The following TEX14 variants were observed in gnomAD, a reference collection of about 807,000 sequenced individuals.
TEX14 encodes inactive serine/threonine-protein kinase TEX14.
TEX14 carries 168 observed loss-of-function variants against 178.6 expected under a neutral mutation model. The observed-to-expected ratio is 0.94, with a 90% CI of 0.83 to 1.07. The LOEUF (loss-of-function observed/expected upper bound fraction) is 1.07, where lower values mean the gene tolerates loss of function less well. Ranked by LOEUF, TEX14 falls within the 50% of genes least tolerant of loss-of-function variation. The probability of loss-of-function intolerance (pLI) is 0.00; values close to 1 mark genes in which losing one functional copy is unlikely to be tolerated. For synonymous variants in TEX14, 626 were observed against 634.1 expected (o/e 0.99, Z 0.19); for missense variants, 1,730 against 1,753.6 (o/e 0.99, Z 0.24).
At chr17:58,573,700 G>A (rs2044598310) in intron 22 of TEX14, among the ~76,000 whole-genome samples, 1 of 152,060 alleles carries the variant, frequency 6.6e-6, no homozygotes, top group South Asian at 2.1e-4. Context: ...AGTATTTTTA[G>A]TAGAGATGGG....
At chr17:58,615,395 C>T (rs1366040873) in intron 7 of TEX14, 50 bp from the exon 8 acceptor site, 3 of 1,105,312 alleles carry the variant, frequency 2.7e-6, no homozygotes, top group East Asian at 2.4e-5. Flanking sequence ...CAGCCACTTA[C>T]TCCTTCAATG....
At chr17:58,659,353 CA>C in intron 1 of TEX14, 1 of 983,192 alleles carries the variant, frequency 1.0e-6, no homozygotes, top group Non-Finnish European at 1.2e-6. Context: ...CAACACACAA[CA>C]TACTCATGGC....
chr17:58,679,652 C>T (rs1187536985), intron 1 of TEX14: 1 of 152,192 alleles, frequency 6.6e-6, no homozygotes, highest in African/African-American at 2.4e-5. Flanking sequence ...GAAAAATCCA[C>T]CTTTAATGAT....
intron 2 of TEX14, among the ~76,000 whole-genome samples, chr17:58,643,646 G>A (rs1363157994): frequency 2.0e-5 from 3 of 151,740 alleles, no homozygotes; most frequent in East Asian, 1.9e-4. Context: ...GAGGCAGGCA[G>A]ATCCCCTGAG....
chr17:58,603,510 G>A (rs566348021), intron 11 of TEX14, among the ~76,000 whole-genome samples: 35 of 143,888 alleles, frequency 2.4e-4, no homozygotes, highest in Admixed American at 1.0e-3. Flanking sequence ...AGCTGAGATC[G>A]CGCCACTGCA....
chr17:58,643,191 T>A (rs1380531031), intron 2 of TEX14, among the ~76,000 whole-genome samples: 1 of 152,176 alleles, frequency 6.6e-6, no homozygotes, highest in Non-Finnish European at 1.5e-5. Flanking sequence ...CTTCTTATTC[T>A]ACTCCTCCCC....
At chr17:58,651,809 G>A in intron 2 of TEX14, 57 bp downstream of exon 2, 3 of 1,490,554 alleles carry the variant, frequency 2.0e-6, no homozygotes, top group Non-Finnish European at 2.7e-6. Flanking sequence ...CTTTTCCTCT[G>A]AACGCTATTC....
Position 58,573,994 on chromosome 17 carries a change from T to C in TEX14, c.3383+193A>G, listed in dbSNP as rs150681869. ...TGATTATTATTATCATCACTACATT[T>C]CCTTGAGTGTAAGCTGCTATTAGTT... On this transcript the variant is annotated intron_variant, in intron 22 of 31. Transcript: ENST00000349033. Among the ~76,000 whole-genome samples the C allele has an allele frequency of 3.6e-3, 542 of 152,314 alleles. 3 individuals are homozygous for C. The highest frequency in any genetic ancestry group is 5.0e-3 in the Non-Finnish European group (343 of 68,040).
rs748939625 is a variant in TEX14 at position 58,598,858 on chromosome 17, C to A, written c.2469+18G>T. 3.8e-6 allele frequency: 6 copies of A among 1,564,470 alleles called. No homozygotes were observed. In the East Asian group the frequency reaches 9.0e-5, roughly 23 times the overall value. ...TCCTGGATCTTTTGCCAAAATGTCCCCCTTGAAAGTCTCTTACCATTCTTG... is the reference window on the plus strand; with the variant it reads ...TCCTGGATCTTTTGCCAAAATGTCCACCTTGAAAGTCTCTTACCATTCTTG... On this transcript the variant is annotated intron_variant, in intron 14 of 31. Transcript: ENST00000349033.
chr17:58,668,308 A>C (rs943382253), intron 1 of TEX14, among the ~76,000 whole-genome samples: 1 of 152,166 alleles, frequency 6.6e-6, no homozygotes, highest in Non-Finnish European at 1.5e-5. Flanking sequence ...CTCTATACCT[A>C]TCCTGATGGT....
At chr17:58,660,270 G>T (rs1194494839) in intron 1 of TEX14, among the ~76,000 whole-genome samples, 1 of 151,252 alleles carries the variant, frequency 6.6e-6, no homozygotes, top group Admixed American at 6.6e-5. Context: ...GCGTGGTGGC[G>T]GGCGCCTGTA....
chr17:58,682,823 C>T (rs1336982085), intron 1 of TEX14, among the ~76,000 whole-genome samples: 1 of 152,138 alleles, frequency 6.6e-6, no homozygotes, highest in Non-Finnish European at 1.5e-5. Flanking sequence ...CCTCCACTGC[C>T]TTGTAACTCT....
chr17:58,621,764 C>T lies in TEX14; in HGVS notation c.440G>A (p.Cys147Tyr). The T allele has an allele frequency of 3.1e-6, 5 of 1,614,076 alleles. No individual in the cohort carries two copies. The highest frequency in any genetic ancestry group is 3.4e-6 in the Non-Finnish European group (4 of 1,179,946). ...GATGATGGCCTGCATGTGTGAGGCA[C>T]AGCGCTGCATGAACTCCACTATCTG... ...STQIVEFMQR[C>Y]ASHMQAIIQG... Residue 147 changes from cysteine (C) to tyrosine (Y), a missense_variant, in exon 5 of 32, where the codon TGT (cysteine) becomes TAT (tyrosine). Transcript: ENST00000349033.
chr17:58,675,681 C>G (rs1009259078), intron 1 of TEX14, among the ~76,000 whole-genome samples: 1 of 152,200 alleles, frequency 6.6e-6, no homozygotes, highest in African/African-American at 2.4e-5. Flanking sequence ...CCAAGGGTAT[C>G]TGCATTCCCC....
intron 1 of TEX14, chr17:58,659,305 T>A (rs544072508): frequency 1.7e-5 from 17 of 973,036 alleles, no homozygotes; most frequent in African/African-American, 5.3e-5. Flanking sequence ...CACAAAGACA[T>A]TATTTACTTA....
Position 58,577,390 on chromosome 17 carries a change from A to G in TEX14, c.3305T>C (p.Phe1102Ser). The change falls in exon 21 of 32, where the codon TTT becomes TCT. Residue 1102 changes from phenylalanine to serine, a missense_variant. By Grantham distance (155) the Phe-to-Ser change is radical (BLOSUM62 -2). This residue lies in a region of TEX14 where 941 missense variants were observed against 1,072.4 expected (regional missense o/e 0.88). Transcript: ENST00000349033. ...KNAEILPRSQ[F>S]QPVRSTEDEQ... Reference sequence around the variant, plus strand: ...TAGCCCATACCTTCGTACAGGTTGAAATTGAGACCTGGGCAAAATCTCAGC... The same window carrying G: ...TAGCCCATACCTTCGTACAGGTTGAGATTGAGACCTGGGCAAAATCTCAGC... 1 of 1,486,128 alleles carries G rather than the reference A, an allele frequency of 6.7e-7. No individual in the cohort carries two copies. Among genetic ancestry groups the G allele is most frequent in the South Asian group, 1.3e-5 (1 of 74,446 alleles). The allele number at this position is 1,486,128 out of a possible 1,614,324, so 92.1% of individuals were successfully genotyped here.
intron 21 of TEX14, among the ~76,000 whole-genome samples, chr17:58,574,480 A>C (rs1032121568): frequency 6.6e-6 from 1 of 152,006 alleles, no homozygotes; most frequent in Non-Finnish European, 1.5e-5. Flanking sequence ...GATCGAGACC[A>C]TCCTGGCCAA....
intron 26 of TEX14, among the ~76,000 whole-genome samples, chr17:58,567,058 T>G (rs933991592): frequency 2.6e-5 from 4 of 151,882 alleles, no homozygotes; most frequent in African/African-American, 9.7e-5. Context: ...TCCCAGCTAC[T>G]CGGGAGGCTG....
intron 1 of TEX14, among the ~76,000 whole-genome samples, chr17:58,653,450 T>C (rs1449833392): frequency 6.6e-6 from 1 of 152,152 alleles, no homozygotes; most frequent in Non-Finnish European, 1.5e-5. Flanking sequence ...CCAAAATTTA[T>C]ATGTTAAAAA....
Sources: allele counts gnomAD v4.1 joint callset (sites outside exome capture counted in the v4.1 genomes callset), GRCh38; gene constraint gnomAD v4.1.1; regional missense constraint gnomAD v4.1.1; transcripts MANE v1.5; gene names NCBI Gene and HGNC (gene_info 2026-07-23, HGNC 2026-07-21).